Variants in CNOT6L observed in about 807,000 individuals in gnomAD.
The protein encoded by CNOT6L is CCR4-NOT transcription complex subunit 6 like, also known as CCR4-NOT transcription complex subunit 6-like.
In CNOT6L, 7 loss-of-function variants were observed where a neutral mutation model predicts 64.0. The observed-to-expected ratio is 0.11, with a 90% CI of 0.06 to 0.21. The LOEUF (loss-of-function observed/expected upper bound fraction) is 0.21. CNOT6L is among the 10% of genes least tolerant of loss of function. CNOT6L has a pLI of 1.00. For synonymous variants in CNOT6L, 193 were observed against 243.4 expected, an observed-to-expected ratio of 0.79 and a Z score of 1.93; for missense variants, 245 against 669.0, an observed-to-expected ratio of 0.37 and a Z score of 6.99.
At chr4:77,730,241 CAT>C (rs745593061) in intron 9 of CNOT6L, among the ~76,000 whole-genome samples, 2 of 152,188 alleles carry the variant, frequency 1.3e-5, no homozygotes, top group Non-Finnish European at 2.9e-5. Flanking sequence ...TTATATCTGA[CAT>C]AGTCACCTTA....
intron 5 of CNOT6L, among the ~76,000 whole-genome samples, chr4:77,750,972 A>G (rs1724788801): frequency 1.3e-5 from 2 of 152,216 alleles, no homozygotes; most frequent in African/African-American, 2.4e-5. Flanking sequence ...GTCTCCTAAC[A>G]TAATATCCAA....
At chr4:77,726,485 A>G (rs1721860086) in intron 10 of CNOT6L, 116 bp from the exon 11 acceptor site, 1 of 745,938 alleles carries the variant, frequency 1.3e-6, no homozygotes, top group Non-Finnish European at 2.1e-6. Context: ...TCTTAGGTTG[A>G]GCCATATAAA....
At chr4:77,743,341 C>T (rs1381583516) in intron 7 of CNOT6L, among the ~76,000 whole-genome samples, 2 of 152,060 alleles carry the variant, frequency 1.3e-5, no homozygotes, top group East Asian at 3.8e-4. Flanking sequence ...GTTATCACTA[C>T]AAATACTAAA....
chr4:77,789,890 G>A lies in CNOT6L; in HGVS notation c.6-13498C>T, dbSNP rs145732629. ...TGCTTGAGCCCAAGAAGTGGATGCT[G>A]CAGTGACCGGTGATTGTGCCACTGC... is the stretch of plus-strand genomic sequence containing the variant. On this transcript the variant is annotated intron_variant, in intron 1 of 11. Coordinates refer to ENST00000504123, the MANE Select transcript of CNOT6L (RefSeq NM_144571.3). Among the ~76,000 whole-genome samples the A allele has an allele frequency of 1.6e-3, 219 of 139,038 alleles. 2 individuals carry two copies. The highest frequency in any genetic ancestry group is 9.0e-3 in the Middle Eastern group (2 of 222). The allele number at this position is 139,038 out of a possible 152,430, so 91.2% of individuals were successfully genotyped here.
At chr4:77,751,653 T>C (rs113560446) in intron 5 of CNOT6L, among the ~76,000 whole-genome samples, 5 of 152,056 alleles carry the variant, frequency 3.3e-5, no homozygotes, top group Admixed American at 1.3e-4. Context: ...CAGACAGAAA[T>C]AGCATATTAC....
chr4:77,721,518 C>G (rs547094514), intron 11 of CNOT6L, among the ~76,000 whole-genome samples: 1 of 152,218 alleles, frequency 6.6e-6, no homozygotes, highest in East Asian at 1.9e-4. Context: ...TACATGAGTT[C>G]CAGCCAATAC....
At chr4:77,815,219 T>A (rs915715660) in intron 1 of CNOT6L, among the ~76,000 whole-genome samples, 7 of 152,172 alleles carry the variant, frequency 4.6e-5, no homozygotes, top group African/African-American at 1.4e-4. Flanking sequence ...GTCCTACTGA[T>A]CTGAACTGAT....
chr4:77,745,545 T>A (rs1443856867), intron 6 of CNOT6L, among the ~76,000 whole-genome samples: 3 of 152,188 alleles, frequency 2.0e-5, no homozygotes, highest in Non-Finnish European at 4.4e-5. Context: ...TGTGGCCCCA[T>A]AAACACCTCT....
intron 2 of CNOT6L, 136 bp downstream of exon 2, chr4:77,776,135 A>T: frequency 1.2e-6 from 1 of 810,220 alleles, no homozygotes; most frequent in Non-Finnish European, 1.9e-6. Flanking sequence ...TAAAACAGAA[A>T]ACACTAGTAT....
In CNOT6L at chr4:77,715,117, G is replaced by A. The variant is rs1217052553; in HGVS notation, c.*5314C>T. On this transcript the variant is annotated 3_prime_UTR_variant, in exon 12 of 12. Coordinates refer to ENST00000504123, the MANE Select transcript of CNOT6L (RefSeq NM_144571.3). ...TTACGCTTTAGAGTTAAAAGTGACAGACATACAACTGGAAAATTATCTAAA... is the reference window on the plus strand; with the variant it reads ...TTACGCTTTAGAGTTAAAAGTGACAAACATACAACTGGAAAATTATCTAAA... 6.6e-6 allele frequency: 1 copy of A among 152,076 alleles called. No individual in the cohort carries two copies. Among genetic ancestry groups the A allele is most frequent in the Non-Finnish European group, 1.5e-5 (1 of 68,002 alleles). 9.4% of individuals were successfully genotyped at this position (152,076 alleles called of 1,614,324 possible). A position where few individuals can be genotyped will look rare whatever the true frequency, so the allele number is the denominator to read the frequency against.
At chr4:77,801,243 A>C (rs1731511816) in intron 1 of CNOT6L, among the ~76,000 whole-genome samples, 1 of 152,206 alleles carries the variant, frequency 6.6e-6, no homozygotes, top group Admixed American at 6.5e-5. Flanking sequence ...TTCATTTCCC[A>C]CAAAGGTAGC....
intron 4 of CNOT6L, among the ~76,000 whole-genome samples, chr4:77,764,422 G>C (rs957203967): frequency 2.6e-5 from 4 of 152,156 alleles, no homozygotes; most frequent in African/African-American, 9.7e-5. Context: ...TATCAGAGAT[G>C]ATCCAACAAA....
At chr4:77,777,703 G>C (rs181793436) in intron 1 of CNOT6L, among the ~76,000 whole-genome samples, 64 of 152,246 alleles carry the variant, frequency 4.2e-4, no homozygotes, top group African/African-American at 1.5e-3. Flanking sequence ...CCAAAACCAA[G>C]TGTCTGAATC....
At chr4:77,744,481 T>G (rs1723976192) in intron 7 of CNOT6L, among the ~76,000 whole-genome samples, 2 of 152,190 alleles carry the variant, frequency 1.3e-5, no homozygotes, top group African/African-American at 2.4e-5. Context: ...TAAGATTATT[T>G]CCACTTAAGA....
chr4:77,772,753 T>C (rs1727713735), intron 4 of CNOT6L, among the ~76,000 whole-genome samples: 1 of 151,974 alleles, frequency 6.6e-6, no homozygotes, highest in African/African-American at 2.4e-5. Context: ...AAACCCCGTC[T>C]CTACTAAAAA....
At chr4:77,756,997 A>G in intron 4 of CNOT6L, 46 bp from the exon 5 acceptor site, 9 of 951,162 alleles carry the variant, frequency 9.5e-6, no homozygotes, top group Non-Finnish European at 1.4e-5. Context: ...TATAACTGCA[A>G]GGCAAGACAG....
intron 8 of CNOT6L, among the ~76,000 whole-genome samples, chr4:77,734,220 A>G (rs1722724436): frequency 6.6e-6 from 1 of 152,168 alleles, no homozygotes; most frequent in African/African-American, 2.4e-5. Flanking sequence ...GTACTTCAAA[A>G]CAAAAACGTG....
intron 1 of CNOT6L, among the ~76,000 whole-genome samples, chr4:77,811,938 C>T (rs1732989357): frequency 6.6e-6 from 1 of 151,882 alleles, no homozygotes; most frequent in African/African-American, 2.4e-5. Context: ...GAATGTTTTC[C>T]CCCTAAGACT....
chr4:77,736,597 CT>C (rs1722972297), intron 8 of CNOT6L, among the ~76,000 whole-genome samples: 1 of 152,096 alleles, frequency 6.6e-6, no homozygotes. Context: ...TTCTGCCATT[CT>C]TTCTATTATT....
Sources: gnomAD v4.1 joint callset for allele counts (sites outside exome capture counted in the v4.1 genomes callset) on GRCh38, gnomAD v4.1.1 for gene constraint, MANE v1.5 for transcripts, NCBI Gene and HGNC (gene_info 2026-07-23, HGNC 2026-07-21) for gene names.